The following FILIP1L variants were observed in gnomAD, a reference collection of about 807,000 sequenced individuals.
The protein encoded by FILIP1L is filamin A interacting protein 1 like.
Under a neutral mutation model 96.6 loss-of-function variants are expected in FILIP1L, and 55 were observed. The ratio of observed to expected loss-of-function variants is 0.57; its 90% CI spans 0.46 to 0.71. FILIP1L has a LOEUF of 0.71. FILIP1L is among the 30% of genes least tolerant of loss of function. The probability of loss-of-function intolerance (pLI) is 0.00; values close to 1 mark genes in which losing one functional copy is unlikely to be tolerated. For synonymous variants in FILIP1L, 467 were observed against 473.9 expected, an observed-to-expected ratio of 0.99 and a Z score of 0.19; for missense variants, 1,304 against 1,321.2, an observed-to-expected ratio of 0.99 and a Z score of 0.20.
At chr3:99,836,445 G>A (rs1942899362) in intron 5 of FILIP1L, among the ~76,000 whole-genome samples, 2 of 152,172 alleles carry the variant, frequency 1.3e-5, no homozygotes, top group African/African-American at 4.8e-5. Flanking sequence ...GAACTGTTTG[G>A]TAGAGTTGAA....
intron 1 of FILIP1L, among the ~76,000 whole-genome samples, chr3:99,968,981 AT>A (rs1708735958): frequency 6.6e-6 from 1 of 151,910 alleles, no homozygotes; most frequent in Non-Finnish European, 1.5e-5. Flanking sequence ...AAAAAAATTC[AT>A]TTGATAAAAG....
chr3:99,989,972 A>G (rs1484575741), intron 1 of FILIP1L, among the ~76,000 whole-genome samples: 1 of 152,182 alleles, frequency 6.6e-6, no homozygotes, highest in African/African-American at 2.4e-5. Context: ...ATACCCACCC[A>G]AAGCAATAAT....
At chr3:100,029,054 G>A (rs1426695028) in intron 1 of FILIP1L, among the ~76,000 whole-genome samples, 1 of 151,992 alleles carries the variant, frequency 6.6e-6, no homozygotes, top group Non-Finnish European at 1.5e-5. Flanking sequence ...GCCTGGAATG[G>A]TGGTGCATGC....
intron 1 of FILIP1L, among the ~76,000 whole-genome samples, chr3:99,952,400 A>G (rs1576596650): frequency 6.6e-6 from 1 of 152,168 alleles, no homozygotes; most frequent in South Asian, 2.1e-4. Flanking sequence ...GTTCAAGTTG[A>G]GGAAACAGAA....
chr3:100,019,760 T>G (rs1286895170), intron 1 of FILIP1L, among the ~76,000 whole-genome samples: 2 of 152,222 alleles, frequency 1.3e-5, no homozygotes, highest in African/African-American at 4.8e-5. Flanking sequence ...CTATCATCTT[T>G]CAAACTATTA....
chr3:99,985,506 A>C (rs1403131983), intron 1 of FILIP1L, among the ~76,000 whole-genome samples: 1 of 152,210 alleles, frequency 6.6e-6, no homozygotes, highest in Non-Finnish European at 1.5e-5. Flanking sequence ...TCAAAAAAAC[A>C]AGGTGAGCTT....
In FILIP1L at chr3:99,930,874, C is replaced by T. The variant is rs377205144; in HGVS notation, c.147G>A (p.Pro49=). ...DSPSESDVIL[P]CPKAEKPHSG... ...TGTGTGGCTTCTCTGCCTTGGGACA[C>T]GGAAGTATTACATCCGACTCACTGG... Residue 49 remains proline, a synonymous_variant, in exon 2 of 6, where the codon CCG becomes CCA. Coordinates refer to ENST00000477258, the MANE Select transcript of FILIP1L (RefSeq NM_001387850.1). The T allele has an allele frequency of 5.9e-5, 95 of 1,613,004 alleles. No individual in the cohort carries two copies. The highest frequency in any genetic ancestry group is 7.0e-5 in the Non-Finnish European group (83 of 1,179,790).
intron 1 of FILIP1L, among the ~76,000 whole-genome samples, chr3:100,046,977 T>TAA (rs2065287902): frequency 6.6e-6 from 1 of 152,202 alleles, no homozygotes; most frequent in African/African-American, 2.4e-5. Flanking sequence ...AAGAGGCTGT[T>TAA]ATTTAAGTAA....
intron 1 of FILIP1L, among the ~76,000 whole-genome samples, chr3:100,037,958 G>GT (rs1559735195): frequency 6.5e-3 from 65 of 10,068 alleles, no homozygotes; most frequent in Middle Eastern, 0.045. Context: ...TTTTTTTTTG[G>GT]GGGGGGAGGG....
intron 1 of FILIP1L, among the ~76,000 whole-genome samples, chr3:100,096,863 A>G (rs1048271309): frequency 1.3e-5 from 2 of 152,194 alleles, no homozygotes; most frequent in Non-Finnish European, 2.9e-5. Context: ...CTGTATCAAA[A>G]TATCTCATAT....
chr3:99,888,671 A>G (rs1705986507), intron 4 of FILIP1L, among the ~76,000 whole-genome samples: 1 of 152,188 alleles, frequency 6.6e-6, no homozygotes, highest in Admixed American at 6.5e-5. Flanking sequence ...GTGGAAGGTA[A>G]AGTAGAGAAA....
intron 1 of FILIP1L, among the ~76,000 whole-genome samples, chr3:99,975,110 A>C (rs999842209): frequency 1.3e-5 from 2 of 152,254 alleles, no homozygotes; most frequent in African/African-American, 4.8e-5. Context: ...AGCCCAGTGA[A>C]GTACCTTTCA....
intron 1 of FILIP1L, among the ~76,000 whole-genome samples, chr3:100,072,794 G>A (rs545011972): frequency 2.0e-5 from 3 of 152,220 alleles, no homozygotes; most frequent in African/African-American, 4.8e-5. Flanking sequence ...AAAGAACAGA[G>A]GTTCTCAAAT....
intron 5 of FILIP1L, among the ~76,000 whole-genome samples, chr3:99,837,304 T>C (rs1487046449): frequency 1.3e-5 from 2 of 152,178 alleles, no homozygotes; most frequent in African/African-American, 4.8e-5. Context: ...TTTAGTTAGC[T>C]CCTGTTTATA....
chr3:100,001,315 C>T (rs1041201868), intron 1 of FILIP1L, among the ~76,000 whole-genome samples: 4 of 152,174 alleles, frequency 2.6e-5, no homozygotes, highest in South Asian at 4.1e-4. Context: ...TATTATCTAT[C>T]GCTGTTTCTG....
intron 1 of FILIP1L, among the ~76,000 whole-genome samples, chr3:100,034,724 A>G (rs2065078371): frequency 6.6e-6 from 1 of 152,222 alleles, no homozygotes; most frequent in Non-Finnish European, 1.5e-5. Flanking sequence ...GCTTGAAATA[A>G]TGTTGATAAA....
At chr3:99,919,731 T>C (rs897725689) in intron 4 of FILIP1L, among the ~76,000 whole-genome samples, 6 of 152,108 alleles carry the variant, frequency 3.9e-5, no homozygotes, top group African/African-American at 1.4e-4. Context: ...AGGCCTGTCA[T>C]AATAGAAAAG....
At chr3:99,921,589 A>T (rs1277555723) in intron 4 of FILIP1L, among the ~76,000 whole-genome samples, 4 of 152,214 alleles carry the variant, frequency 2.6e-5, no homozygotes, top group African/African-American at 4.8e-5. Context: ...GGCATATAGA[A>T]ATAGATGAAT....
intron 1 of FILIP1L, among the ~76,000 whole-genome samples, chr3:100,060,503 A>C (rs1008097598): frequency 1.4e-4 from 22 of 152,158 alleles, no homozygotes; most frequent in African/African-American, 5.3e-4. Flanking sequence ...CCCAAGAAAA[A>C]AAAAATACAT....
Sources: allele counts gnomAD v4.1 joint callset (sites outside exome capture counted in the v4.1 genomes callset), GRCh38; gene constraint gnomAD v4.1.1; transcripts MANE v1.5; gene names NCBI Gene and HGNC (gene_info 2026-07-23, HGNC 2026-07-21).